PPP1R21: variants seen among roughly 807,000 people sequenced by gnomAD.
The protein encoded by PPP1R21 is protein phosphatase 1 regulatory subunit 21.
In PPP1R21, 85 loss-of-function variants were observed where a neutral mutation model predicts 112.8. The ratio of observed to expected loss-of-function variants is 0.75; its 90% CI spans 0.63 to 0.90. The LOEUF is 0.90. Ranked by LOEUF, PPP1R21 falls within the 40% of genes least tolerant of loss-of-function variation. The pLI is 0.00. For missense variants in PPP1R21, 1,199 were observed against 901.5 expected (o/e 1.33, Z -4.23); for synonymous variants, 381 against 322.3 (o/e 1.18, Z -1.95).
chr2:48,513,059 A>G (rs1670711543), intron 21 of PPP1R21, among the ~76,000 whole-genome samples: 1 of 152,164 alleles, frequency 6.6e-6, no homozygotes, highest in Non-Finnish European at 1.5e-5. Flanking sequence ...AGTAGCAATA[A>G]TTTTTGAAAA....
chr2:48,463,955 A>C (rs1342751176), intron 7 of PPP1R21, among the ~76,000 whole-genome samples: 3 of 151,944 alleles, frequency 2.0e-5, no homozygotes, highest in African/African-American at 7.3e-5. Flanking sequence ...AAAACAGAAA[A>C]GGTTTGGGAT....
At chr2:48,501,628 C>G (rs1413088561) in intron 17 of PPP1R21, among the ~76,000 whole-genome samples, 1 of 152,160 alleles carries the variant, frequency 6.6e-6, no homozygotes, top group African/African-American at 2.4e-5. Flanking sequence ...TGATCCATGT[C>G]AGAAAACAGA....
intron 1 of PPP1R21, among the ~76,000 whole-genome samples, chr2:48,450,457 G>C (rs934749438): frequency 4.6e-5 from 7 of 152,344 alleles, no homozygotes; most frequent in African/African-American, 1.7e-4. Context: ...CTGCTTCTTA[G>C]TTGCTTTTGT....
At chr2:48,490,458 A>T (rs902179298) in intron 14 of PPP1R21, among the ~76,000 whole-genome samples, 1 of 152,198 alleles carries the variant, frequency 6.6e-6, no homozygotes, top group African/African-American at 2.4e-5. Context: ...AAAGTGATAG[A>T]TCTTTGTGGC....
intron 12 of PPP1R21, among the ~76,000 whole-genome samples, chr2:48,478,106 G>T (rs1216818384): frequency 6.6e-6 from 1 of 152,206 alleles, no homozygotes. Context: ...AACACCTAGG[G>T]CCAACAGAAG....
At position 48,487,380 on chromosome 2, in the gene PPP1R21, C is replaced by T. The variant is rs528120692; in HGVS notation, c.1446+622C>T. Among the ~76,000 whole-genome samples, 53 of 152,198 alleles carry T rather than the reference C, an allele frequency of 3.5e-4. 1 individual carries two copies. Among genetic ancestry groups the T allele is most frequent in the Middle Eastern group, 3.4e-3 (1 of 294 alleles). On this transcript the variant is annotated intron_variant, in intron 14 of 21. Coordinates refer to ENST00000294952, the MANE Select transcript of PPP1R21 (RefSeq NM_001135629.3). Reference sequence around the variant, plus strand: ...GAAGTGACTTCAACATGTGTCTTTTCGTTGAACCTTTAATAGTAGGTCATG... The same window carrying T: ...GAAGTGACTTCAACATGTGTCTTTTTGTTGAACCTTTAATAGTAGGTCATG...
chr2:48,467,039 T>TTGTACTCACAGTGTAACTTTCATCAC (rs1225496836), intron 9 of PPP1R21, among the ~76,000 whole-genome samples: 1 of 152,182 alleles, frequency 6.6e-6, no homozygotes, highest in Non-Finnish European at 1.5e-5. Context: ...CTCTCCCTGA[T>TTGTACTCACAGTGTAACTTTCATCAC]TGTACTCACA....
chr2:48,443,783 C>A (rs1295196771), intron 1 of PPP1R21, among the ~76,000 whole-genome samples: 1 of 152,164 alleles, frequency 6.6e-6, no homozygotes, highest in Non-Finnish European at 1.5e-5. Context: ...TAAGAGTATT[C>A]CACCTTTTTA....
intron 7 of PPP1R21, among the ~76,000 whole-genome samples, chr2:48,461,462 A>AT (rs1195781605): frequency 6.6e-6 from 1 of 152,142 alleles, no homozygotes; most frequent in South Asian, 2.1e-4. Flanking sequence ...CCAAATCCAC[A>AT]TTTTTTGATT....
intron 16 of PPP1R21, 77 bp downstream of exon 16, chr2:48,495,848 G>A (rs549291014): frequency 1.5e-5 from 12 of 823,346 alleles, no homozygotes; most frequent in African/African-American, 6.7e-5. Flanking sequence ...TTTAAGATAC[G>A]TAGAATGATT....
In PPP1R21 at chr2:48,475,474, T is replaced by C. The variant is rs1249161197; in HGVS notation, c.1225+655T>C. ...GAAAGGAACACATCATAAGAATTTGTAGCAGCTTTCCAACAAGTAGCGTAG... is the reference window on the plus strand; with the variant it reads ...GAAAGGAACACATCATAAGAATTTGCAGCAGCTTTCCAACAAGTAGCGTAG... On this transcript the variant is annotated intron_variant, in intron 12 of 21. Coordinates refer to ENST00000294952, the MANE Select transcript of PPP1R21 (RefSeq NM_001135629.3). 3.3e-5 allele frequency among the ~76,000 whole-genome samples: 5 copies of C among 152,358 alleles called. No homozygotes were observed. In the East Asian group the frequency reaches 9.6e-4, roughly 29 times the overall value.
chr2:48,441,607 C>A (rs79941972), intron 1 of PPP1R21: 2,629 of 154,498 alleles, frequency 0.017, 41 homozygotes, highest in Middle Eastern at 0.043. Context: ...TTCTCTTGTC[C>A]CTCGGTCACC....
In PPP1R21 at chr2:48,458,137, A is replaced by G. The variant is rs141303876; in HGVS notation, c.285A>G (p.Glu95=). The G allele has an allele frequency of 2.5e-4, 405 of 1,609,666 alleles. 2 individuals are homozygous for G. In the African/African-American group the frequency reaches 4.6e-3, roughly 18 times the overall value. ...ATTCTTTCCATCAGAAAAGTGGAGA[A>G]TCTTCTTCTCAGTTGAGTCAAGAGC... ...PRGKKNKKSG[E]SSSQLSQEQK... is the part of the protein sequence containing the mutation. Residue 95 remains glutamate, a synonymous_variant, in exon 4 of 22, where the codon GAA becomes GAG. Transcript: ENST00000294952.
At chr2:48,472,650 T>TA (rs1438675341) in intron 11 of PPP1R21, among the ~76,000 whole-genome samples, 1 of 151,830 alleles carries the variant, frequency 6.6e-6, no homozygotes, top group African/African-American at 2.4e-5. Context: ...GTTAATTACT[T>TA]ACAGATACTG....
intron 18 of PPP1R21, among the ~76,000 whole-genome samples, chr2:48,506,081 C>G (rs1039626365): frequency 4.6e-5 from 7 of 152,184 alleles, no homozygotes; most frequent in African/African-American, 1.7e-4. Flanking sequence ...TTGAAATATT[C>G]TAAGATGTAA....
At chr2:48,493,213 G>A (rs752815672) in intron 15 of PPP1R21, among the ~76,000 whole-genome samples, 10 of 151,864 alleles carry the variant, frequency 6.6e-5, no homozygotes, top group Non-Finnish European at 1.0e-4. Flanking sequence ...CACCATGTTA[G>A]CCAGGATGGT....
chr2:48,501,917 A>G (rs1331368420), intron 17 of PPP1R21: 1 of 152,236 alleles, frequency 6.6e-6, no homozygotes, highest in East Asian at 1.9e-4. Flanking sequence ...ATAAATTAAT[A>G]ATTTTAAAAC....
At chr2:48,474,848 C>T (rs1221716170) in intron 12 of PPP1R21, 29 bp downstream of exon 12, 5 of 1,599,608 alleles carry the variant, frequency 3.1e-6, no homozygotes, top group East Asian at 4.5e-5. Flanking sequence ...TAGGGGTCAA[C>T]TTCAAGGACT....
chr2:48,460,137 C>G lies in PPP1R21; in HGVS notation c.583C>G (p.Leu195Val). The G allele has an allele frequency of 6.2e-7, 1 of 1,614,114 alleles. No homozygotes were observed. The highest frequency in any genetic ancestry group is 1.1e-5 in the South Asian group (1 of 91,078). Residue 195 changes from leucine to valine, a missense_variant, in exon 6 of 22, where the codon CTT becomes GTT. Leu to Val is a conservative substitution (Grantham distance 32). Coordinates refer to ENST00000294952, the MANE Select transcript of PPP1R21 (RefSeq NM_001135629.3). ...TLEKEAKECR[L>V]RTEECQLQLK... ...AGAAAAGGAAGCCAAGGAATGTCGA[C>G]TTCGAACGGAAGAATGGTATGTGGA...
Sources: allele counts gnomAD v4.1 joint callset (sites outside exome capture counted in the v4.1 genomes callset), GRCh38; gene constraint gnomAD v4.1.1; transcripts MANE v1.5; gene names NCBI Gene and HGNC (gene_info 2026-07-23, HGNC 2026-07-21).